ITGB4: variants seen among roughly 807,000 people sequenced by gnomAD.
ITGB4 encodes the protein integrin subunit beta 4, also known as integrin beta-4.
A neutral mutation model predicts 207.6 loss-of-function variants in ITGB4; 159 were observed. The observed-to-expected ratio is 0.77, with a 90% CI of 0.67 to 0.87. ITGB4 has a LOEUF of 0.87. Ranked by LOEUF, ITGB4 falls within the 40% of genes least tolerant of loss-of-function variation. ITGB4 has a pLI of 0.00. For synonymous variants in ITGB4, 1,020 were observed against 1,062.7 expected (o/e 0.96, Z 0.78); for missense variants, 2,278 against 2,546.8 (o/e 0.89, Z 2.27).
At position 75,727,294 on chromosome 17, in the gene ITGB4, G is replaced by C. The variant is rs2060739753; in HGVS notation, c.162+17G>C. On this transcript the variant is annotated intron_variant, in intron 3 of 39. Coordinates refer to ENST00000200181, the MANE Select transcript of ITGB4 (RefSeq NM_000213.5). This position sits in a 1 kb window ranked among gnomAD's most constrained non-coding sequence, Gnocchi z 6.0. ...ACAGACGAGGTGAGGACCTGGCCCG[G>C]GTTGGTGTGGAACAGGCAAGGGTCG... is the stretch of plus-strand genomic sequence containing the variant. 1 of 1,613,522 alleles carries C rather than the reference G, an allele frequency of 6.2e-7. No individual in the cohort carries two copies. Among genetic ancestry groups the C allele is most frequent in the Admixed American group, 1.7e-5 (1 of 59,956 alleles).
In ITGB4 at chr17:75,742,338, C is replaced by A; in HGVS notation, c.2634-3C>A. 6.2e-7 allele frequency: 1 copy of A among 1,613,342 alleles called. No homozygotes were observed. The stretch of plus-strand genomic sequence containing the variant: ...CTGCCTGAACCTTCCACCCTCGACC[C>A]AGGCAAGACCACACCATTGTGGACA... On this transcript the variant is annotated splice_polypyrimidine_tract_variant and splice_region_variant and intron_variant, in intron 23 of 39. Transcript: ENST00000200181. This position sits in a 1 kb window ranked among gnomAD's most constrained non-coding sequence, Gnocchi z 5.9.
chr17:75,757,340 T>C (rs2061541144), intron 39 of ITGB4, 30 bp downstream of exon 39: 1 of 1,611,682 alleles, frequency 6.2e-7, no homozygotes, highest in Non-Finnish European at 8.5e-7. Context: ...GGATCCCGGC[T>C]CTCCTGGGAC....
chr17:75,754,473 C>A, intron 33 of ITGB4, 103 bp from the exon 34 acceptor site: 1 of 1,469,466 alleles, frequency 6.8e-7, no homozygotes, highest in Non-Finnish European at 9.4e-7. Context: ...TAAGCAAAAG[C>A]CACCCAGAGG....
Position 75,740,267 on chromosome 17 carries a change from C to T in ITGB4, c.2447-91C>T. ...CCTGCTGGCCAGGCATCCCCTGATC[C>T]TAGCATGGTTGCTGGAGGGATGCTC... On this transcript the variant is annotated intron_variant, in intron 20 of 39. Coordinates refer to ENST00000200181, the MANE Select transcript of ITGB4 (RefSeq NM_000213.5). This position sits in a 1 kb window ranked among gnomAD's most constrained non-coding sequence, Gnocchi z 5.9. 1.5e-6 allele frequency: 2 copies of T among 1,324,418 alleles called. No individual in the cohort carries two copies. The highest frequency in any genetic ancestry group is 2.1e-6 in the Non-Finnish European group (2 of 939,456). 82.0% of individuals were successfully genotyped at this position (1,324,418 alleles called of 1,614,324 possible).
chr17:75,757,336 C>T (rs956711110), intron 39 of ITGB4, 26 bp downstream of exon 39: 31 of 1,612,456 alleles, frequency 1.9e-5, no homozygotes, highest in East Asian at 2.2e-5. Context: ...TAGGGGATCC[C>T]GGCTCTCCTG....
intron 15 of ITGB4, 74 bp downstream of exon 15, chr17:75,736,460 G>A: frequency 1.2e-6 from 2 of 1,609,596 alleles, no homozygotes; most frequent in Non-Finnish European, 1.7e-6. Flanking sequence ...GAGGGGCTAA[G>A]CCTGATGCCA....
rs187524227 is a variant in ITGB4, at chr17:75,754,882, G to A, written c.4558+67G>A. ...CCTCTCTTCCAGCTCCTGGAGCCTCGGGCTTCTGTCTGCTGTCCCCACCGC... is the reference window on the plus strand; with the variant it reads ...CCTCTCTTCCAGCTCCTGGAGCCTCAGGCTTCTGTCTGCTGTCCCCACCGC... On this transcript the variant is annotated intron_variant, in intron 34 of 39. Transcript: ENST00000200181. The A allele has an allele frequency of 5.3e-5, 86 of 1,608,016 alleles. No individual in the cohort carries two copies. The African/African-American group carries it at 6.8e-4, about 13-fold the overall frequency.
At position 75,731,505 on chromosome 17, in the gene ITGB4, C is replaced by T. The variant is rs370373538; in HGVS notation, c.1215+137C>T. On this transcript the variant is annotated intron_variant, in intron 10 of 39. Coordinates refer to ENST00000200181, the MANE Select transcript of ITGB4 (RefSeq NM_000213.5). The surrounding 1 kb of genome is among the most constrained non-coding windows in gnomAD (Gnocchi z 6.8). Reference sequence around the variant, plus strand: ...GTGCAGATCCCTGGGCCTAGCCGCTCGGATGAGCCTAGGTTGCTCCTCTGC... The same window carrying T: ...GTGCAGATCCCTGGGCCTAGCCGCTTGGATGAGCCTAGGTTGCTCCTCTGC... The T allele has an allele frequency of 4.6e-5, 43 of 931,602 alleles. No homozygotes were observed. The Middle Eastern group carries it at 2.0e-3, about 44-fold the overall frequency. The allele number at this position is 931,602 out of a possible 1,614,324, so 57.7% of individuals were successfully genotyped here. A position where few individuals can be genotyped will look rare whatever the true frequency, so the allele number is the denominator to read the frequency against.
rs202097958 is a variant in ITGB4 at position 75,737,356 on chromosome 17, C to T, written c.2025C>T (p.Asp675=). 139 of 1,589,650 alleles carry T rather than the reference C, an allele frequency of 8.7e-5. No individual in the cohort carries two copies. Among genetic ancestry groups the T allele is most frequent in the Admixed American group, 3.4e-4 (19 of 56,512 alleles). ...TGGTGGTGCGCTGCTCCTTCCGGGA[C>T]GAGGATGACGACTGCACCTACAGCT... The part of the protein sequence containing the change: ...EEVVVRCSFR[D]EDDDCTYSYT... The change falls in exon 17 of 40, where the codon GAC becomes GAT. Residue 675 remains aspartate (D), a synonymous_variant. Transcript: ENST00000200181.
At chr17:75,724,923 G>C (rs758808583) in intron 2 of ITGB4, 141 bp downstream of exon 2, 1 of 750,808 alleles carries the variant, frequency 1.3e-6, no homozygotes, top group Non-Finnish European at 2.3e-6. Context: ...TTCAGGGCTG[G>C]AAAACTTGAG....
intron 8 of ITGB4, 123 bp from the exon 9 acceptor site, chr17:75,730,752 A>G: frequency 9.4e-7 from 1 of 1,064,394 alleles, no homozygotes; most frequent in Non-Finnish European, 1.4e-6. Flanking sequence ...CTAAGAGGGC[A>G]GGCTCTGCGA....
At position 75,750,911 on chromosome 17, in the gene ITGB4, G is replaced by A; in HGVS notation, c.3655+51G>A. The A allele has an allele frequency of 2.5e-6, 4 of 1,613,244 alleles. No homozygotes were observed. The highest frequency in any genetic ancestry group is 1.3e-5 in the African/African-American group (1 of 75,044). On this transcript the variant is annotated intron_variant, in intron 29 of 39. Transcript: ENST00000200181. This position sits in a 1 kb window ranked among gnomAD's most constrained non-coding sequence, Gnocchi z 5.5. ...TTGTCCCCTGGCTGCCCTGATGCCA[G>A]CATGCCCAGACCTCCCTCCCTCTGC...
chr17:75,753,992 C>A lies in ITGB4; in HGVS notation c.4318+18C>A. ...CCCCGGAGGTGACAGGCTCACCCGC[C>A]GCCCCCCGATCCGCGCCCACCCAGC... On this transcript the variant is annotated intron_variant, in intron 33 of 39. Transcript: ENST00000200181. 3 of 1,114,778 alleles carry A rather than the reference C, an allele frequency of 2.7e-6. No homozygotes were observed. The highest frequency in any genetic ancestry group is 3.4e-6 in the Non-Finnish European group (3 of 875,840). The allele number at this position is 1,114,778 out of a possible 1,614,324, so 69.1% of individuals were successfully genotyped here.
chr17:75,752,965 C>A (rs1035217698), intron 32 of ITGB4, among the ~76,000 whole-genome samples: 5 of 152,214 alleles, frequency 3.3e-5, no homozygotes, highest in Non-Finnish European at 5.9e-5. Context: ...GACAAGAACA[C>A]CCCCAACAGC....
chr17:75,757,256 G>A lies in ITGB4; in HGVS notation c.5275G>A (p.Glu1759Lys), dbSNP rs141944501. The A allele has an allele frequency of 2.2e-5, 35 of 1,611,710 alleles. No homozygotes were observed. The highest frequency in any genetic ancestry group is 1.2e-4 in the Admixed American group (7 of 60,006). ...AGLFQHPLQSEYSSITTTHTS... is the reference protein window; with the variant it reads ...AGLFQHPLQSKYSSITTTHTS... ...GCTCTTCCAGCACCCGCTGCAAAGC[G>A]AGTACAGCAGCATCACCACCACCCA... The change falls in exon 39 of 40, where the codon GAG becomes AAG. Residue 1759 changes from glutamate to lysine, a missense_variant. Glu to Lys is a moderately conservative substitution (Grantham distance 56). Coordinates refer to ENST00000200181, the MANE Select transcript of ITGB4 (RefSeq NM_000213.5).
At chr17:75,728,772 C>T (rs1001105452) in intron 6 of ITGB4, among the ~76,000 whole-genome samples, 1 of 152,086 alleles carries the variant, frequency 6.6e-6, no homozygotes, top group South Asian at 2.1e-4. Flanking sequence ...ATCACGAGGT[C>T]AGGAGATCGA....
chr17:75,726,440 T>C lies in ITGB4; in HGVS notation c.80-755T>C, dbSNP rs546003405. Among the ~76,000 whole-genome samples, 6 of 134,676 alleles carry C rather than the reference T, an allele frequency of 4.5e-5. 1 individual carries two copies. In the South Asian group the frequency reaches 7.2e-4, roughly 16 times the overall value. 88.4% of individuals were successfully genotyped at this position (134,676 alleles called of 152,430 possible). On this transcript the variant is annotated intron_variant, in intron 2 of 39. Transcript: ENST00000200181. ...GACCGTATCTCAAAACTAAATAAAATTGAAATGCAGGTTGGGCACAGTAGC... is the reference window on the plus strand; with the variant it reads ...GACCGTATCTCAAAACTAAATAAAACTGAAATGCAGGTTGGGCACAGTAGC...
chr17:75,753,902 C>T lies in ITGB4; in HGVS notation c.4246C>T (p.Pro1416Ser), dbSNP rs1388467015. Reference protein sequence around the residue: ...RSSDAEAPHGPPDDGGAGGKG... With the variant: ...RSSDAEAPHGSPDDGGAGGKG... ...CTCCGACGCCGAGGCGCCCCACGGG[C>T]CCCCGGACGACGGCGGCGCGGGCGG... The change falls in exon 33 of 40, where the codon CCC becomes TCC. Residue 1416 changes from proline to serine, a missense_variant. Transcript: ENST00000200181. 2 of 1,292,920 alleles carry T rather than the reference C, an allele frequency of 1.5e-6. No homozygotes were observed. The highest frequency in any genetic ancestry group is 4.1e-5 in the Admixed American group (1 of 24,224). 80.1% of individuals were successfully genotyped at this position (1,292,920 alleles called of 1,614,324 possible).
In ITGB4 at chr17:75,754,586, G is replaced by A; in HGVS notation, c.4329G>A (p.Val1443=). Residue 1443 remains valine (V), a synonymous_variant, in exon 34 of 40, where the codon GTG becomes GTA. Coordinates refer to ENST00000200181, the MANE Select transcript of ITGB4 (RefSeq NM_000213.5). The stretch of plus-strand genomic sequence containing the variant: ...GCTCTCCCCCTGCAGAGCACCTGGT[G>A]AATGGCCGGATGGACTTTGCCTTCC... ...ATPGPPGEHL[V]NGRMDFAFPG... is the part of the protein sequence containing the mutation. 4 of 1,613,710 alleles carry A rather than the reference G, an allele frequency of 2.5e-6. No homozygotes were observed. Among genetic ancestry groups the A allele is most frequent in the Non-Finnish European group, 3.4e-6 (4 of 1,179,978 alleles).
Sources: allele counts gnomAD v4.1 joint callset (sites outside exome capture counted in the v4.1 genomes callset), GRCh38; gene constraint gnomAD v4.1.1; non-coding constraint Gnocchi (gnomAD v3.1); transcripts MANE v1.5; gene names NCBI Gene and HGNC (gene_info 2026-07-23, HGNC 2026-07-21).